The following SCARB2 variants were observed in gnomAD, a reference collection of about 807,000 sequenced individuals.
SCARB2 encodes scavenger receptor class B member 2.
A neutral mutation model predicts 58.6 loss-of-function variants in SCARB2; 29 were observed. The ratio of observed to expected loss-of-function variants is 0.49; its 90% confidence interval spans 0.37 to 0.67. SCARB2 has a LOEUF of 0.67. Ranked by LOEUF, SCARB2 falls within the 30% of genes least tolerant of loss-of-function variation. SCARB2 has a pLI of 0.00. For synonymous variants in SCARB2, 195 were observed against 210.1 expected, an observed-to-expected ratio of 0.93 and a Z score of 0.62; for missense variants, 488 against 578.5, an observed-to-expected ratio of 0.84 and a Z score of 1.60.
intron 2 of SCARB2, among the ~76,000 whole-genome samples, chr4:76,181,485 T>C (rs1331306443): frequency 1.3e-5 from 2 of 152,224 alleles, no homozygotes; most frequent in Non-Finnish European, 2.9e-5. Context: ...TTTACCAATG[T>C]CTTCTTGTTT....
chr4:76,213,477 G>T lies in SCARB2; in HGVS notation c.67C>A (p.Leu23Met), dbSNP rs1377023858. 1.9e-6 allele frequency: 3 copies of T among 1,610,978 alleles called. No homozygotes were observed. In the African/African-American group the frequency reaches 4.0e-5, roughly 22 times the overall value. The stretch of plus-strand genomic sequence containing the variant: ...TTCTGGAAGACCCGGGCCACCAGCA[G>T]CGTGACGCTGGTCACCAGCAGGAGC... Reference protein sequence around the residue: ...SLLLLVTSVTLLVARVFQKAV... With the variant: ...SLLLLVTSVTMLVARVFQKAV... The change falls in exon 1 of 12, where the codon CTG becomes ATG. Residue 23 changes from leucine (L) to methionine (M), a missense_variant. Transcript: ENST00000264896.
At position 76,166,267 on chromosome 4, in the gene SCARB2, C is replaced by T; in HGVS notation, c.1222G>A (p.Val408Met). The change falls in exon 10 of 12, where the codon GTG becomes ATG. Residue 408 changes from valine (V) to methionine (M), a missense_variant. By Grantham distance (21) the Val-to-Met change is conservative. Coordinates refer to ENST00000264896, the MANE Select transcript of SCARB2 (RefSeq NM_005506.4). Reference protein sequence around the residue: ...TGDIRTMVFPVMYLNESVHID... With the variant: ...TGDIRTMVFPMMYLNESVHID... Reference sequence around the variant, plus strand: ...GGACTTACCTCATTGAGGTACATCACTGGGAAAACCATGGTTCTAATGTCT... The same window carrying T: ...GGACTTACCTCATTGAGGTACATCATTGGGAAAACCATGGTTCTAATGTCT... 6.2e-7 allele frequency: 1 copy of T among 1,614,188 alleles called. No individual in the cohort carries two copies. The highest frequency in any genetic ancestry group is 8.5e-7 in the Non-Finnish European group (1 of 1,180,038).
intron 2 of SCARB2, among the ~76,000 whole-genome samples, chr4:76,187,908 A>C (rs1732521754): frequency 6.6e-6 from 1 of 152,162 alleles, no homozygotes; most frequent in African/African-American, 2.4e-5. Flanking sequence ...TTGAAAATCC[A>C]GTATTACTTG....
chr4:76,177,158 T>C (rs1732266611), intron 4 of SCARB2: 1 of 152,138 alleles, frequency 6.6e-6, no homozygotes, highest in African/African-American at 2.4e-5. Flanking sequence ...TATTATTTTA[T>C]GGTTTTAAAA....
upstream of SCARB2, chr4:76,217,760 T>C (rs112473025): frequency 6.9e-3 from 3,345 of 483,572 alleles, 102 homozygotes; most frequent in African/African-American, 0.059. Flanking sequence ...GGAGATACGG[T>C]GATCTCTCTA....
At chr4:76,190,871 C>G (rs1214948140) in intron 2 of SCARB2, among the ~76,000 whole-genome samples, 1 of 152,336 alleles carries the variant, frequency 6.6e-6, no homozygotes, top group East Asian at 1.9e-4. Flanking sequence ...CCACTAGACA[C>G]ATGTGGCTAT....
intron 1 of SCARB2, among the ~76,000 whole-genome samples, chr4:76,226,945 AT>A (rs1410506227): frequency 6.6e-6 from 1 of 152,092 alleles, no homozygotes; most frequent in Non-Finnish European, 1.5e-5. Flanking sequence ...CTAATGGTCT[AT>A]CAATTTTGTT....
intron 1 of SCARB2, among the ~76,000 whole-genome samples, chr4:76,198,864 G>A (rs529502096): frequency 4.7e-5 from 7 of 149,372 alleles, no homozygotes; most frequent in Admixed American, 4.0e-4. Flanking sequence ...GTGTGTGTGT[G>A]TGTGTGTGTG....
intron 1 of SCARB2, among the ~76,000 whole-genome samples, chr4:76,218,934 C>A (rs909868593): frequency 1.3e-5 from 2 of 152,194 alleles, no homozygotes; most frequent in African/African-American, 4.8e-5. Flanking sequence ...TTACTCCTTA[C>A]AATGCCCTAT....
chr4:76,171,242 A>C (rs1349490881), intron 7 of SCARB2, among the ~76,000 whole-genome samples: 1 of 152,102 alleles, frequency 6.6e-6, no homozygotes, highest in African/African-American at 2.4e-5. Context: ...TGACCTTGAA[A>C]ATGTATTTTT....
At chr4:76,219,042 T>C (rs1212705225) in intron 1 of SCARB2, among the ~76,000 whole-genome samples, 4 of 152,234 alleles carry the variant, frequency 2.6e-5, no homozygotes, top group Non-Finnish European at 5.9e-5. Flanking sequence ...AAGGTATTAC[T>C]AAATCCAAGT....
At chr4:76,222,238 T>C (rs957096382) in intron 1 of SCARB2, among the ~76,000 whole-genome samples, 1 of 152,034 alleles carries the variant, frequency 6.6e-6, no homozygotes, top group Non-Finnish European at 1.5e-5. Context: ...TTTTTTTTTT[T>C]TTTTCTGAGA....
intron 8 of SCARB2, among the ~76,000 whole-genome samples, chr4:76,169,341 C>CACACGT (rs3217498): frequency 1.3e-5 from 2 of 151,126 alleles, no homozygotes; most frequent in Non-Finnish European, 2.9e-5. Context: ...CACACACACA[C>CACACGT]GTGTGTATGT....
rs776803875 is a variant in SCARB2, at chr4:76,169,998, G to C, written c.995-13C>G. ...ATGATGGGTGCACCTGCATTTGAAG[G>C]AAAACAGAAATGAATGATGCTGTTT... On this transcript the variant is annotated splice_polypyrimidine_tract_variant and intron_variant, in intron 7 of 11. Transcript: ENST00000264896. The C allele has an allele frequency of 2.5e-6, 4 of 1,593,284 alleles. No homozygotes were observed. In the South Asian group the frequency reaches 4.4e-5, roughly 18 times the overall value.
chr4:76,213,291 AAGAC>A, intron 1 of SCARB2, 132 bp downstream of exon 1: 1 of 722,694 alleles, frequency 1.4e-6, no homozygotes, highest in Non-Finnish European at 2.5e-6. Flanking sequence ...CAAGCCCTGG[AAGAC>A]AGGGACGCAA....
chr4:76,204,844 C>A (rs1732897633), intron 1 of SCARB2, among the ~76,000 whole-genome samples: 1 of 152,130 alleles, frequency 6.6e-6, no homozygotes, highest in Non-Finnish European at 1.5e-5. Context: ...TCATTACCTA[C>A]CTATTTCTAT....
chr4:76,219,796 A>G (rs1357148459), intron 1 of SCARB2, among the ~76,000 whole-genome samples: 1 of 152,012 alleles, frequency 6.6e-6, no homozygotes, highest in African/African-American at 2.4e-5. Flanking sequence ...GCCCCTCACC[A>G]CTAACCTGGT....
chr4:76,202,880 A>T (rs1436892883), intron 1 of SCARB2, among the ~76,000 whole-genome samples: 1 of 152,196 alleles, frequency 6.6e-6, no homozygotes, highest in East Asian at 1.9e-4. Flanking sequence ...TAGTATATTT[A>T]AAAAAATATA....
At chr4:76,202,785 G>C (rs7672121) in intron 1 of SCARB2, among the ~76,000 whole-genome samples, 5,018 of 151,900 alleles carry the variant, frequency 0.033, 238 homozygotes, top group African/African-American at 0.11. Flanking sequence ...ATCATTTTTT[G>C]ACTCATCTTT....
Sources: allele counts gnomAD v4.1 joint callset (sites outside exome capture counted in the v4.1 genomes callset), GRCh38; gene constraint gnomAD v4.1.1; transcripts MANE v1.5; gene names NCBI Gene and HGNC (gene_info 2026-07-23, HGNC 2026-07-21).